Variants in SDHD observed in about 807,000 individuals in gnomAD.
SDHD encodes succinate dehydrogenase [ubiquinone] cytochrome b small subunit, mitochondrial.
SDHD carries 6 observed loss-of-function variants against 18.7 expected under a neutral mutation model. The observed-to-expected ratio is 0.32, with a 90% CI of 0.18 to 0.63. The LOEUF is 0.63. SDHD is among the 30% of genes least tolerant of loss of function. The probability of loss-of-function intolerance (pLI) is 0.79; values close to 1 mark genes in which losing one functional copy is unlikely to be tolerated. For synonymous variants in SDHD, 56 were observed against 73.9 expected, an observed-to-expected ratio of 0.76 and a Z score of 1.24; for missense variants, 160 against 192.7, an observed-to-expected ratio of 0.83 and a Z score of 1.00.
chr11:112,092,088 C>T lies in SDHD; in HGVS notation c.315-2717C>T, dbSNP rs192551007. On this transcript the variant is annotated intron_variant, in intron 3 of 3. Coordinates refer to ENST00000375549, the MANE Select transcript of SDHD (RefSeq NM_003002.4). Reference sequence around the variant, plus strand: ...GTCTCAAAAAAACAAAACTCTGAATCGGTCGAGGGGAAGGGGAGGGAGAGC... The same window carrying T: ...GTCTCAAAAAAACAAAACTCTGAATTGGTCGAGGGGAAGGGGAGGGAGAGC... Among the ~76,000 whole-genome samples, 95 of 151,914 alleles carry T rather than the reference C, an allele frequency of 6.3e-4. No individual in the cohort carries two copies. The South Asian group carries it at 7.9e-3, about 13-fold the overall frequency.
intron 3 of SDHD, among the ~76,000 whole-genome samples, chr11:112,089,972 G>T (rs1389326450): frequency 1.3e-5 from 2 of 151,958 alleles, no homozygotes; most frequent in Non-Finnish European, 2.9e-5. Context: ...TATGTGGGTG[G>T]ATTATTTTGT....
intron 3 of SDHD, among the ~76,000 whole-genome samples, chr11:112,090,609 C>T (rs191315867): frequency 3.9e-5 from 6 of 152,210 alleles, no homozygotes; most frequent in South Asian, 2.1e-4. Context: ...GTATCTTAAC[C>T]AACTCTTTTA....
intron 3 of SDHD, among the ~76,000 whole-genome samples, chr11:112,089,845 T>C (rs985616031): frequency 6.6e-6 from 1 of 152,156 alleles, no homozygotes; most frequent in Admixed American, 6.5e-5. Context: ...CCTTCTAATA[T>C]ACTACATCAT....
In SDHD at chr11:112,088,070, A is replaced by G. The variant is rs989532681; in HGVS notation, c.169+97A>G. 3 of 872,180 alleles carry G rather than the reference A, an allele frequency of 3.4e-6. No homozygotes were observed. The African/African-American group carries it at 5.0e-5, about 14-fold the overall frequency. The allele number at this position is 872,180 out of a possible 1,614,324, so 54.0% of individuals were successfully genotyped here. A position where few individuals can be genotyped will look rare whatever the true frequency, so the allele number is the denominator to read the frequency against. On this transcript the variant is annotated intron_variant, in intron 2 of 3. Coordinates refer to ENST00000375549, the MANE Select transcript of SDHD (RefSeq NM_003002.4). ...GCAGGACTTCCTACCTGTAGGGGGG[A>G]CTCTTGTGTCCAACTTTGTCAAATG... is the stretch of plus-strand genomic sequence containing the variant.
At chr11:112,092,425 A>G (rs1213693901) in intron 3 of SDHD, among the ~76,000 whole-genome samples, 1 of 152,168 alleles carries the variant, frequency 6.6e-6, no homozygotes, top group Non-Finnish European at 1.5e-5. Context: ...CACTCTGTTC[A>G]TTCATCACAC....
chr11:112,090,285 A>G (rs1363625439), intron 3 of SDHD, among the ~76,000 whole-genome samples: 10 of 151,240 alleles, frequency 6.6e-5, no homozygotes, highest in Non-Finnish European at 1.5e-5. Flanking sequence ...ATTTTTTTGT[A>G]TTTTTAGTAG....
chr11:112,092,322 G>A (rs1865760683), intron 3 of SDHD, among the ~76,000 whole-genome samples: 1 of 151,820 alleles, frequency 6.6e-6, no homozygotes, highest in African/African-American at 2.4e-5. Flanking sequence ...TTTGCACCCT[G>A]TCACCAGCCT....
In SDHD at chr11:112,086,896, C is replaced by A. The variant is rs199955367; in HGVS notation, c.-12C>A. 3.1e-6 allele frequency: 5 copies of A among 1,614,196 alleles called. No individual in the cohort carries two copies. The South Asian group carries it at 3.3e-5, about 11-fold the overall frequency. ...CCGGGTTGGTGGATGACCTTGAGCC[C>A]TCAGGAACGAGATGGCGGTTCTCTG... On this transcript the variant is annotated 5_prime_UTR_variant, in exon 1 of 4. Transcript: ENST00000375549.
rs200324825 is a variant in SDHD, at chr11:112,095,264, A to G, written c.*294A>G. The G allele has an allele frequency of 1.1e-5, 5 of 445,030 alleles. No homozygotes were observed. Among genetic ancestry groups the G allele is most frequent in the African/African-American group, 7.8e-5 (4 of 51,340 alleles). 27.6% of individuals were successfully genotyped at this position (445,030 alleles called of 1,614,324 possible). ...ATGATATATCAGCTTTTGCCTTTCA[A>G]TTTATCAATCTCTTAAAGAGAATCC... On this transcript the variant is annotated 3_prime_UTR_variant, in exon 4 of 4. Transcript: ENST00000375549.
intron 3 of SDHD, chr11:112,090,981 C>A: frequency 2.5e-6 from 1 of 404,154 alleles, no homozygotes; most frequent in Non-Finnish European, 3.3e-6. Flanking sequence ...TAGGTGTGAA[C>A]CACCGTGCCC....
intron 2 of SDHD, 104 bp from the exon 3 acceptor site, chr11:112,088,763 T>C: frequency 8.2e-7 from 1 of 1,225,016 alleles, no homozygotes; most frequent in Non-Finnish European, 1.2e-6. Flanking sequence ...AGTTATATCC[T>C]ATATGTACAC....
intron 3 of SDHD, among the ~76,000 whole-genome samples, chr11:112,091,452 A>G (rs548832465): frequency 1.8e-3 from 276 of 152,264 alleles, no homozygotes; most frequent in Admixed American, 6.6e-3. Flanking sequence ...TGACCTCGAG[A>G]TGACAAAATC....
rs879444602 is a variant in SDHD, at chr11:112,090,669, A to G, written c.314+1658A>G. 3.4e-4 allele frequency among the ~76,000 whole-genome samples: 52 copies of G among 152,038 alleles called. 1 individual carries two copies. Among genetic ancestry groups the G allele is most frequent in the Admixed American group, 1.4e-3 (21 of 15,238 alleles). On this transcript the variant is annotated intron_variant, in intron 3 of 3. Coordinates refer to ENST00000375549, the MANE Select transcript of SDHD (RefSeq NM_003002.4). The stretch of plus-strand genomic sequence containing the variant: ...CCAGGGAGGTTAAGTGACTTGTCAG[A>G]ATCATTTTCTAGCTAGTGTTAAAGA...
At chr11:112,092,437 A>G (rs371462017) in intron 3 of SDHD, among the ~76,000 whole-genome samples, 7 of 152,116 alleles carry the variant, frequency 4.6e-5, no homozygotes, top group Non-Finnish European at 1.0e-4. Flanking sequence ...TCATCACACT[A>G]CAGCCATAGT....
Position 112,089,007 on chromosome 11 carries a change from C to G in SDHD, c.310C>G (p.His104Asp), listed in dbSNP as rs779863605. The change falls in exon 3 of 4, where the codon CAC (histidine) becomes GAC (aspartate). Residue 104 changes from histidine to aspartate, a missense_variant. Transcript: ENST00000375549. ...GGCTGCAGCCCTCACTCTTCATGGT[C>G]ACTGGCAAGTATAGCAATTCCAAAT... is the stretch of plus-strand genomic sequence containing the variant. ...SLAAALTLHG[H>D]WGLGQVVTDY... 1.2e-6 allele frequency: 2 copies of G among 1,614,150 alleles called. No homozygotes were observed. Among genetic ancestry groups the G allele is most frequent in the Non-Finnish European group, 1.7e-6 (2 of 1,180,014 alleles).
rs536971023 is a variant in SDHD, at chr11:112,095,734, T to G, written c.*764T>G. On this transcript the variant is annotated 3_prime_UTR_variant, in exon 4 of 4. Transcript: ENST00000375549. ...GGGAATCTCTAATGTGAAAATGTAT[T>G]CTATGAAAATAATTTTTTTAAATAA... The G allele has an allele frequency of 3.7e-5, 8 of 214,790 alleles. No individual in the cohort carries two copies. Among genetic ancestry groups the G allele is most frequent in the African/African-American group, 1.8e-4 (8 of 44,440 alleles). 13.3% of individuals were successfully genotyped at this position (214,790 alleles called of 1,614,324 possible). A position where few individuals can be genotyped will look rare whatever the true frequency, so the allele number is the denominator to read the frequency against.
intron 3 of SDHD, among the ~76,000 whole-genome samples, chr11:112,092,863 T>C (rs1002863066): frequency 6.6e-6 from 1 of 152,116 alleles, no homozygotes. Context: ...GTGGAAACAA[T>C]CCAAATGGCT....
chr11:112,090,845 G>A (rs566223619), intron 3 of SDHD, among the ~76,000 whole-genome samples: 1 of 151,908 alleles, frequency 6.6e-6, no homozygotes, highest in African/African-American at 2.4e-5. Flanking sequence ...ACAGGCATGC[G>A]CCAGCACACC....
intron 3 of SDHD, among the ~76,000 whole-genome samples, chr11:112,094,512 G>C (rs1865802804): frequency 6.6e-6 from 1 of 152,218 alleles, no homozygotes; most frequent in Admixed American, 6.5e-5. Context: ...AGGATCACTT[G>C]AGCTCAGGAG....
Sources: allele counts gnomAD v4.1 joint callset (sites outside exome capture counted in the v4.1 genomes callset), GRCh38; gene constraint gnomAD v4.1.1; transcripts MANE v1.5; gene names NCBI Gene and HGNC (gene_info 2026-07-23, HGNC 2026-07-21).